SUZ12: variants seen among roughly 807,000 people sequenced by gnomAD.
SUZ12 encodes the protein SUZ12 polycomb repressive complex 2 subunit.
A neutral mutation model predicts 87.3 loss-of-function variants in SUZ12; 17 were observed. The observed-to-expected ratio is 0.19, with a 90% CI of 0.13 to 0.29. SUZ12 has a LOEUF of 0.29. Among genes scored for constraint, SUZ12 ranks in the 10% least tolerant of loss-of-function variants. The pLI, the probability that SUZ12 is intolerant of heterozygous loss-of-function variation, is 1.00. For missense variants in SUZ12, 526 were observed against 912.2 expected (o/e 0.58, Z 5.45); for synonymous variants, 253 against 312.4 (o/e 0.81, Z 2.01).
chr17:31,949,113 TTCATCTTCC>T (rs1906797824), intron 4 of SUZ12, among the ~76,000 whole-genome samples: 1 of 152,180 alleles, frequency 6.6e-6, no homozygotes, highest in African/African-American at 2.4e-5. Context: ...GACCCTTCTC[TTCATCTTCC>T]TCATCAAGGT....
intron 10 of SUZ12, among the ~76,000 whole-genome samples, chr17:31,990,069 C>T (rs1598186130): frequency 6.6e-6 from 1 of 151,290 alleles, no homozygotes; most frequent in African/African-American, 2.4e-5. Flanking sequence ...AATTTCCTGC[C>T]TCAGCCTCCC....
chr17:31,960,332 T>A (rs113093518), intron 4 of SUZ12, among the ~76,000 whole-genome samples: 7,072 of 152,016 alleles, frequency 0.047, 526 homozygotes, highest in African/African-American at 0.16. Context: ...TGCCTCAGCC[T>A]CCTGAGTAGC....
chr17:31,980,763 C>G (rs1364009615), intron 8 of SUZ12, among the ~76,000 whole-genome samples: 1 of 151,962 alleles, frequency 6.6e-6, no homozygotes, highest in Non-Finnish European at 1.5e-5. Flanking sequence ...TTCTTCTTTT[C>G]TTACCTCTGC....
Position 31,937,572 on chromosome 17 carries a change from G to A in SUZ12, c.274+52G>A, listed in dbSNP as rs1462340209. Reference sequence around the variant, plus strand: ...AGGAAGACCCACTCTGCCAACACCGGGGATGGGACACTCTGCTGGGCCCCC... The same window carrying A: ...AGGAAGACCCACTCTGCCAACACCGAGGATGGGACACTCTGCTGGGCCCCC... On this transcript the variant is annotated intron_variant, in intron 1 of 15. Coordinates refer to ENST00000322652, the MANE Select transcript of SUZ12 (RefSeq NM_015355.4). 5 of 1,526,632 alleles carry A rather than the reference G, an allele frequency of 3.3e-6. No homozygotes were observed. The Admixed American group carries it at 1.0e-4, about 30-fold the overall frequency. 94.6% of individuals were successfully genotyped at this position (1,526,632 alleles called of 1,614,324 possible). A position where few individuals can be genotyped will look rare whatever the true frequency, so the allele number is the denominator to read the frequency against.
chr17:31,968,773 A>G (rs1908242022), intron 5 of SUZ12, among the ~76,000 whole-genome samples: 1 of 152,140 alleles, frequency 6.6e-6, no homozygotes, highest in Non-Finnish European at 1.5e-5. Flanking sequence ...TCAGAAACTT[A>G]TAATTTGAAT....
At chr17:31,976,678 A>C (rs1177439607) in intron 8 of SUZ12, 64 bp downstream of exon 8, 4 of 1,200,922 alleles carry the variant, frequency 3.3e-6, no homozygotes, top group Non-Finnish European at 1.2e-6. Flanking sequence ...CTGAAGCAGA[A>C]TATAATTATT....
At chr17:31,971,586 A>T (rs1398957932) in intron 5 of SUZ12, among the ~76,000 whole-genome samples, 1 of 151,898 alleles carries the variant, frequency 6.6e-6, no homozygotes, top group Non-Finnish European at 1.5e-5. Flanking sequence ...ATGCACCACC[A>T]TGCCTGGCTG....
At chr17:31,949,678 T>C (rs1906841660) in intron 4 of SUZ12, among the ~76,000 whole-genome samples, 1 of 34,030 alleles carries the variant, frequency 2.9e-5, no homozygotes, top group Non-Finnish European at 4.7e-5. Context: ...CCCCCCCCCT[T>C]TTTTTTTTTT....
chr17:31,963,740 G>C (rs138515280), intron 4 of SUZ12: 10,208 of 148,620 alleles, frequency 0.069, no homozygotes, highest in African/African-American at 0.22. Context: ...GGCCAGGCTG[G>C]TCTTGAACTC....
chr17:31,940,525 T>C, intron 3 of SUZ12, 39 bp downstream of exon 3: 2 of 1,510,448 alleles, frequency 1.3e-6, no homozygotes, highest in Non-Finnish European at 1.8e-6. Flanking sequence ...GATCAAACCA[T>C]GTTAGTTTTA....
chr17:31,946,971 C>A (rs972288835), intron 3 of SUZ12, among the ~76,000 whole-genome samples: 1 of 152,138 alleles, frequency 6.6e-6, no homozygotes, highest in African/African-American at 2.4e-5. Context: ...ACAACTGTCT[C>A]TTTAATATGA....
At chr17:31,997,540 G>T (rs1910039011) in intron 15 of SUZ12, among the ~76,000 whole-genome samples, 1 of 152,032 alleles carries the variant, frequency 6.6e-6, no homozygotes, top group South Asian at 2.1e-4. Context: ...TCACACACCT[G>T]TAATCCCAGT....
chr17:31,943,778 G>A lies in SUZ12; in HGVS notation c.386+3292G>A, dbSNP rs150988731. 6.4e-4 allele frequency among the ~76,000 whole-genome samples: 97 copies of A among 151,666 alleles called. 1 individual carries two copies. The highest frequency in any genetic ancestry group is 1.2e-3 in the Non-Finnish European group (83 of 67,974). On this transcript the variant is annotated intron_variant, in intron 3 of 15. Coordinates refer to ENST00000322652, the MANE Select transcript of SUZ12 (RefSeq NM_015355.4). The stretch of plus-strand genomic sequence containing the variant: ...TGCCGTGGCGCAATTTCGGCTCACT[G>A]CAGTCTTCGCCTCCCAAGTTCAAGC...
intron 3 of SUZ12, among the ~76,000 whole-genome samples, chr17:31,944,334 G>C (rs571508713): frequency 6.6e-6 from 1 of 151,920 alleles, no homozygotes; most frequent in Non-Finnish European, 1.5e-5. Flanking sequence ...CTCCATGTTG[G>C]TCAGGCTGGT....
chr17:31,996,329 A>G (rs776858679), intron 14 of SUZ12, among the ~76,000 whole-genome samples: 3 of 152,100 alleles, frequency 2.0e-5, no homozygotes, highest in Admixed American at 6.6e-5. Context: ...CCCTTTTTAA[A>G]TGACGGCAGG....
At chr17:31,986,441 A>G (rs2142200770) in intron 9 of SUZ12, among the ~76,000 whole-genome samples, 1 of 152,334 alleles carries the variant, frequency 6.6e-6, no homozygotes, top group East Asian at 1.9e-4. Context: ...AATAGTGATT[A>G]TACTTGAACC....
At chr17:31,989,666 TC>T (rs1909604145) in intron 10 of SUZ12, among the ~76,000 whole-genome samples, 1 of 152,042 alleles carries the variant, frequency 6.6e-6, no homozygotes, top group Non-Finnish European at 1.5e-5. Flanking sequence ...TGGCTTAATC[TC>T]GGCTCACTGC....
intron 10 of SUZ12, among the ~76,000 whole-genome samples, 196 bp from the exon 11 acceptor site, chr17:31,993,046 C>T (rs61399810): frequency 6.6e-6 from 1 of 152,098 alleles, no homozygotes; most frequent in Admixed American, 6.5e-5. Context: ...TGCCAATAGA[C>T]CTTAACATCA....
chr17:31,958,047 C>T (rs533870915), intron 4 of SUZ12, among the ~76,000 whole-genome samples: 31 of 151,712 alleles, frequency 2.0e-4, no homozygotes, highest in Non-Finnish European at 3.7e-4. Context: ...GGACTACAGG[C>T]GCCTGCCATC....
Sources: gnomAD v4.1 joint callset for allele counts (sites outside exome capture counted in the v4.1 genomes callset) on GRCh38, gnomAD v4.1.1 for gene constraint, MANE v1.5 for transcripts, NCBI Gene and HGNC (gene_info 2026-07-23, HGNC 2026-07-21) for gene names.